The following NBEAL1 variants were observed in gnomAD, a reference collection of about 807,000 sequenced individuals.
The protein encoded by NBEAL1 is neurobeachin like 1, also known as neurobeachin-like protein 1.
A neutral mutation model predicts 351.3 loss-of-function variants in NBEAL1; 273 were observed. That is an observed-to-expected ratio of 0.78 (90% CI 0.70 to 0.86). The LOEUF is 0.86. NBEAL1 is among the 40% of genes least tolerant of loss of function. The pLI, the probability that NBEAL1 is intolerant of heterozygous loss-of-function variation, is 0.00. For synonymous variants in NBEAL1, 1,050 were observed against 1,086.4 expected, an observed-to-expected ratio of 0.97 and a Z score of 0.66; for missense variants, 2,961 against 3,201.3, an observed-to-expected ratio of 0.92 and a Z score of 1.81.
intron 6 of NBEAL1, among the ~76,000 whole-genome samples, chr2:203,066,155 T>C (rs1330872535): frequency 6.6e-6 from 1 of 152,210 alleles, no homozygotes; most frequent in Non-Finnish European, 1.5e-5. Flanking sequence ...TCACAAATTG[T>C]AGAAGTACAT....
At chr2:203,042,426 C>T (rs142745764) in intron 3 of NBEAL1, among the ~76,000 whole-genome samples, 78 of 152,280 alleles carry the variant, frequency 5.1e-4, no homozygotes, top group African/African-American at 1.8e-3. Flanking sequence ...TGAACATCAG[C>T]GTGTTCACTA....
intron 10 of NBEAL1, chr2:203,086,272 G>C (rs1280332991): frequency 1.3e-5 from 2 of 151,948 alleles, no homozygotes; most frequent in African/African-American, 2.4e-5. Context: ...TATCACTGTG[G>C]CCACTCTTCA....
rs1251669125 is a variant in NBEAL1, at chr2:203,222,650, A to C, written c.*5296A>C. 6.6e-6 allele frequency among the ~76,000 whole-genome samples: 1 copy of C among 152,180 alleles called. No homozygotes were observed. The highest frequency in any genetic ancestry group is 1.5e-5 in the Non-Finnish European group (1 of 68,022). ...TCCAGAAAAGTACATCTGTTTGCTA[A>C]TATTAGTTCCTGGTGACTTTCAGTG... is the stretch of plus-strand genomic sequence containing the variant. On this transcript the variant is annotated 3_prime_UTR_variant, in exon 56 of 56. Coordinates refer to ENST00000683969, the MANE Select transcript of NBEAL1 (RefSeq NM_001378026.1).
chr2:203,084,417 C>A, intron 9 of NBEAL1, 46 bp from the exon 10 acceptor site: 3 of 1,023,444 alleles, frequency 2.9e-6, no homozygotes, highest in Non-Finnish European at 4.1e-6. Context: ...TTGTATGATC[C>A]CAAATTTTCA....
intron 31 of NBEAL1, among the ~76,000 whole-genome samples, chr2:203,142,658 A>G (rs2063409919): frequency 1.3e-5 from 2 of 152,240 alleles, no homozygotes; most frequent in East Asian, 1.9e-4. Context: ...ATTTAATGAC[A>G]TTAAGTTAAA....
intron 29 of NBEAL1, among the ~76,000 whole-genome samples, chr2:203,137,578 T>G (rs1364917133): frequency 2.0e-5 from 3 of 152,240 alleles, no homozygotes; most frequent in African/African-American, 7.2e-5. Flanking sequence ...GAATATGAAT[T>G]ATTGTCATAG....
intron 13 of NBEAL1, 25 bp downstream of exon 13, chr2:203,107,543 G>A: frequency 6.5e-7 from 1 of 1,541,854 alleles, no homozygotes; most frequent in Non-Finnish European, 8.8e-7. Context: ...TTTATTAAGA[G>A]AATTTCTGTT....
At chr2:203,076,014 T>C (rs933436793) in intron 7 of NBEAL1, among the ~76,000 whole-genome samples, 20 of 152,332 alleles carry the variant, frequency 1.3e-4, no homozygotes, top group Admixed American at 1.2e-3. Context: ...GTTACAGTCT[T>C]GTCCCAGTGT....
chr2:203,111,880 T>A (rs1161843128), intron 15 of NBEAL1, 99 bp from the exon 16 acceptor site: 3 of 1,305,424 alleles, frequency 2.3e-6, no homozygotes, highest in Non-Finnish European at 3.1e-6. Context: ...CTTAACGTTC[T>A]ACTATTTGTA....
At chr2:203,067,366 C>A (rs1461157346) in intron 6 of NBEAL1, among the ~76,000 whole-genome samples, 1 of 152,180 alleles carries the variant, frequency 6.6e-6, no homozygotes, top group Admixed American at 6.5e-5. Context: ...AGTGCAGTAG[C>A]AAATGAGGTC....
chr2:203,176,723 CTG>C (rs1285035907), intron 42 of NBEAL1, among the ~76,000 whole-genome samples: 2 of 109,164 alleles, frequency 1.8e-5, no homozygotes, highest in East Asian at 5.5e-4. Flanking sequence ...AGGAGTGAAA[CTG>C]TCTCAAAAAA....
intron 11 of NBEAL1, among the ~76,000 whole-genome samples, chr2:203,099,064 T>G (rs765195418): frequency 9.9e-5 from 15 of 152,016 alleles, no homozygotes; most frequent in Admixed American, 5.9e-4. Flanking sequence ...CCACTTGAGG[T>G]CAGGAGTTCA....
intron 54 of NBEAL1, among the ~76,000 whole-genome samples, chr2:203,212,339 G>T (rs1004913368): frequency 3.3e-5 from 5 of 151,744 alleles, no homozygotes; most frequent in African/African-American, 1.2e-4. Flanking sequence ...GGGTGTGGTG[G>T]CTCACACCTG....
At chr2:203,082,088 AAAAAT>A (rs962188248) in intron 8 of NBEAL1, among the ~76,000 whole-genome samples, 7 of 152,336 alleles carry the variant, frequency 4.6e-5, no homozygotes, top group Admixed American at 4.6e-4. Flanking sequence ...CCTTGTCTGA[AAAAAT>A]AAAAAACAAA....
intron 2 of NBEAL1, among the ~76,000 whole-genome samples, chr2:203,018,277 T>TG (rs1045251424): frequency 1.3e-5 from 2 of 151,736 alleles, no homozygotes; most frequent in Non-Finnish European, 2.9e-5. Context: ...TAAGGCTTTT[T>TG]TTTTTCACAC....
intron 2 of NBEAL1, among the ~76,000 whole-genome samples, chr2:203,033,061 C>T (rs967940321): frequency 4.6e-5 from 7 of 150,842 alleles, no homozygotes; most frequent in Non-Finnish European, 5.9e-5. Context: ...AGTGCAGTGG[C>T]GCGATCTCGG....
Position 203,127,889 on chromosome 2 carries a change from G to A in NBEAL1, c.3357G>A (p.Glu1119=). 1.9e-6 allele frequency: 3 copies of A among 1,552,646 alleles called. No individual in the cohort carries two copies. Among genetic ancestry groups the A allele is most frequent in the Non-Finnish European group, 1.7e-6 (2 of 1,146,312 alleles). ...YFLCKGGSHE[E]IQSIMGYIAA... The stretch of plus-strand genomic sequence containing the variant: ...TGTGCAAAGGTGGATCTCATGAAGA[G>A]ATACAAAGTATTATGGGGTACATAG... The change falls in exon 24 of 56, where the codon GAG becomes GAA. Residue 1119 remains glutamate, a synonymous_variant. Coordinates refer to ENST00000683969, the MANE Select transcript of NBEAL1 (RefSeq NM_001378026.1).
intron 18 of NBEAL1, among the ~76,000 whole-genome samples, chr2:203,121,871 C>T (rs1191900296): frequency 2.0e-5 from 3 of 151,780 alleles, no homozygotes; most frequent in East Asian, 1.9e-4. Context: ...CTGCAACCTC[C>T]GTCTCCTGGG....
At chr2:203,121,409 T>C (rs1192831501) in intron 18 of NBEAL1, among the ~76,000 whole-genome samples, 1 of 152,106 alleles carries the variant, frequency 6.6e-6, no homozygotes, top group Non-Finnish European at 1.5e-5. Context: ...TCCCAGCACT[T>C]TGGGAGGCCG....
Sources: allele counts gnomAD v4.1 joint callset (sites outside exome capture counted in the v4.1 genomes callset), GRCh38; gene constraint gnomAD v4.1.1; transcripts MANE v1.5; gene names NCBI Gene and HGNC (gene_info 2026-07-23, HGNC 2026-07-21).